Variants in CNTNAP2 observed in about 807,000 individuals in gnomAD.
CNTNAP2 encodes the protein contactin-associated protein-like 2.
Under a neutral mutation model 155.2 loss-of-function variants are expected in CNTNAP2, and 98 were observed. The ratio of observed to expected loss-of-function variants is 0.63; its 90% CI spans 0.54 to 0.75. CNTNAP2 has a LOEUF of 0.75. CNTNAP2 is among the 30% of genes least tolerant of loss of function. The pLI is 0.00. For synonymous variants in CNTNAP2, 651 were observed against 631.2 expected (o/e 1.03, Z -0.47); for missense variants, 1,727 against 1,688.1 (o/e 1.02, Z -0.40).
chr7:147,466,806 T>A lies in CNTNAP2; in HGVS notation c.1671-19129T>A, dbSNP rs543504987. ...GGTGGCGGGTGCCTGTAATCCCAGC[T>A]ACTGGGGAGGCTGAGGCAGGAGAAT... On this transcript the variant is annotated intron_variant, in intron 10 of 23. Coordinates refer to ENST00000361727, the MANE Select transcript of CNTNAP2 (RefSeq NM_014141.6). Among the ~76,000 whole-genome samples the A allele has an allele frequency of 2.0e-5, 3 of 152,184 alleles. No homozygotes were observed. The East Asian group carries it at 5.8e-4, about 29-fold the overall frequency.
At chr7:147,944,366 A>G (rs976915007) in intron 14 of CNTNAP2, among the ~76,000 whole-genome samples, 3 of 152,328 alleles carry the variant, frequency 2.0e-5, no homozygotes, top group Non-Finnish European at 4.4e-5. Context: ...TGATGTCCCA[A>G]GATGTTCAAG....
chr7:147,927,140 T>A (rs191074381), intron 14 of CNTNAP2, among the ~76,000 whole-genome samples: 2 of 152,316 alleles, frequency 1.3e-5, no homozygotes, highest in East Asian at 3.9e-4. Context: ...TTTATTCTAT[T>A]TAGTTGTAGA....
intron 1 of CNTNAP2, among the ~76,000 whole-genome samples, chr7:146,216,500 TC>T (rs907149252): frequency 1.3e-5 from 2 of 152,088 alleles, no homozygotes; most frequent in Non-Finnish European, 2.9e-5. Flanking sequence ...TTCTTTGCAC[TC>T]CCCGAAGCCA....
At chr7:146,231,951 T>G (rs142674883) in intron 1 of CNTNAP2, among the ~76,000 whole-genome samples, 1 of 152,204 alleles carries the variant, frequency 6.6e-6, no homozygotes, top group Admixed American at 6.5e-5. Context: ...ACACATTTTT[T>G]TTCTAATTTT....
At chr7:146,502,884 G>A (rs1176194024) in intron 1 of CNTNAP2, among the ~76,000 whole-genome samples, 1 of 152,072 alleles carries the variant, frequency 6.6e-6, no homozygotes, top group African/African-American at 2.4e-5. Context: ...CAAAGTGCTG[G>A]GATTACAGGC....
chr7:146,343,216 T>G (rs2129096956), intron 1 of CNTNAP2, among the ~76,000 whole-genome samples: 1 of 152,296 alleles, frequency 6.6e-6, no homozygotes, highest in Non-Finnish European at 1.5e-5. Context: ...TGTGTAAGAA[T>G]AGTGGATGAA....
chr7:147,019,711 G>A (rs1163304298), intron 3 of CNTNAP2, among the ~76,000 whole-genome samples: 1 of 152,046 alleles, frequency 6.6e-6, no homozygotes, highest in African/African-American at 2.4e-5. Context: ...TAGTCAACAT[G>A]GTTCAAACAT....
intron 4 of CNTNAP2, among the ~76,000 whole-genome samples, chr7:147,078,564 C>G (rs1300197573): frequency 6.6e-6 from 1 of 152,044 alleles, no homozygotes; most frequent in Non-Finnish European, 1.5e-5. Flanking sequence ...TATCTCTTAA[C>G]AGACCTTGCT....
chr7:146,807,080 G>C (rs1181443584), intron 2 of CNTNAP2, among the ~76,000 whole-genome samples: 1 of 152,118 alleles, frequency 6.6e-6, no homozygotes, highest in Non-Finnish European at 1.5e-5. Context: ...AAAAGCTTTT[G>C]TGAGCTAATA....
chr7:147,936,851 T>C (rs1247599715), intron 14 of CNTNAP2, among the ~76,000 whole-genome samples: 1 of 152,176 alleles, frequency 6.6e-6, no homozygotes, highest in African/African-American at 2.4e-5. Context: ...CTTGGACTCA[T>C]AAATAAAGTT....
intron 12 of CNTNAP2, among the ~76,000 whole-genome samples, chr7:147,626,998 T>C (rs1453536820): frequency 6.6e-6 from 1 of 152,184 alleles, no homozygotes; most frequent in Non-Finnish European, 1.5e-5. Context: ...CATAGGACTC[T>C]GTAGACATTC....
At position 146,682,874 on chromosome 7, in the gene CNTNAP2, C is replaced by A. The variant is rs145358631; in HGVS notation, c.98-91397C>A. Reference sequence around the variant, plus strand: ...TAATCTGAGCTAGATGTGTTCCATGCACTGGATTGTTTCATCCTGGTAGTA... The same window carrying A: ...TAATCTGAGCTAGATGTGTTCCATGAACTGGATTGTTTCATCCTGGTAGTA... On this transcript the variant is annotated intron_variant, in intron 1 of 23. Coordinates refer to ENST00000361727, the MANE Select transcript of CNTNAP2 (RefSeq NM_014141.6). Among the ~76,000 whole-genome samples, 811 of 152,266 alleles carry A rather than the reference C, an allele frequency of 5.3e-3. 5 individuals carry two copies. Among genetic ancestry groups the A allele is most frequent in the Non-Finnish European group, 8.7e-3 (592 of 68,010 alleles).
intron 20 of CNTNAP2, among the ~76,000 whole-genome samples, chr7:148,263,540 C>T (rs181872683): frequency 9.6e-4 from 146 of 152,114 alleles, no homozygotes; most frequent in Non-Finnish European, 1.8e-3. Flanking sequence ...AGTTCGAGAC[C>T]ATCCTGGCCA....
Position 146,204,848 on chromosome 7 carries a change from G to A in CNTNAP2, c.97+87875G>A, listed in dbSNP as rs1475093281. Among the ~76,000 whole-genome samples the A allele has an allele frequency of 4.0e-5, 6 of 151,862 alleles. No individual in the cohort carries two copies. The East Asian group carries it at 1.2e-3, about 29-fold the overall frequency. ...AATATTCCTATTTTTACCATGCAATGGGACAGGCAATGTAAGGAGTGCCAT... is the reference window on the plus strand; with the variant it reads ...AATATTCCTATTTTTACCATGCAATAGGACAGGCAATGTAAGGAGTGCCAT... On this transcript the variant is annotated intron_variant, in intron 1 of 23. Coordinates refer to ENST00000361727, the MANE Select transcript of CNTNAP2 (RefSeq NM_014141.6).
intron 8 of CNTNAP2, among the ~76,000 whole-genome samples, chr7:147,285,174 G>A (rs953732882): frequency 1.4e-5 from 2 of 143,448 alleles, no homozygotes; most frequent in African/African-American, 5.1e-5. Flanking sequence ...AAATCATAAA[G>A]GATTGTACCT....
intron 15 of CNTNAP2, among the ~76,000 whole-genome samples, chr7:148,010,643 C>T (rs563260515): frequency 6.9e-6 from 1 of 145,046 alleles, no homozygotes; most frequent in African/African-American, 2.6e-5. Context: ...TGTAAAGCCA[C>T]CTCTGTCATA....
chr7:147,077,070 G>A (rs1000158143), intron 4 of CNTNAP2, among the ~76,000 whole-genome samples: 2 of 152,020 alleles, frequency 1.3e-5, no homozygotes, highest in African/African-American at 2.4e-5. Context: ...AAAATATATC[G>A]TTTAGCTTCT....
chr7:146,171,478 T>C (rs1456173438), intron 1 of CNTNAP2, among the ~76,000 whole-genome samples: 3 of 152,192 alleles, frequency 2.0e-5, no homozygotes, highest in Non-Finnish European at 4.4e-5. Context: ...TAATTTTCTA[T>C]TTGTCATATT....
chr7:146,716,539 A>T (rs1801192199), intron 1 of CNTNAP2, among the ~76,000 whole-genome samples: 2 of 152,278 alleles, frequency 1.3e-5, no homozygotes, highest in Middle Eastern at 6.8e-3. Context: ...GGCTTGAGAG[A>T]AGCATTGGTG....
Sources: allele counts gnomAD v4.1 joint callset (sites outside exome capture counted in the v4.1 genomes callset), GRCh38; gene constraint gnomAD v4.1.1; transcripts MANE v1.5; gene names NCBI Gene and HGNC (gene_info 2026-07-23, HGNC 2026-07-21).